Variants in IPO11 observed in about 807,000 individuals in gnomAD.
IPO11 encodes the protein importin 11, also known as importin-11.
In IPO11, 66 loss-of-function variants were observed where a neutral mutation model predicts 143.2. That is an observed-to-expected ratio of 0.46 (90% CI 0.38 to 0.57). The LOEUF (loss-of-function observed/expected upper bound fraction) is 0.57, where lower values mean the gene tolerates loss of function less well. Ranked by LOEUF, IPO11 falls within the 20% of genes least tolerant of loss-of-function variation. The probability of loss-of-function intolerance (pLI) is 0.00; values close to 1 mark genes in which losing one functional copy is unlikely to be tolerated. For synonymous variants in IPO11, 385 were observed against 377.8 expected (o/e 1.02, Z -0.22); for missense variants, 1,026 against 1,141.0 (o/e 0.90, Z 1.45).
At chr5:62,593,983 A>T (rs1353602363) in intron 28 of IPO11, among the ~76,000 whole-genome samples, 1 of 152,234 alleles carries the variant, frequency 6.6e-6, no homozygotes, top group Non-Finnish European at 1.5e-5. Context: ...ATACATACTT[A>T]TGTAGCTAAC....
chr5:62,550,513 G>C, intron 25 of IPO11, 51 bp downstream of exon 25: 1 of 1,175,252 alleles, frequency 8.5e-7, no homozygotes, highest in Non-Finnish European at 1.2e-6. Context: ...TAGGATTCTA[G>C]TTTTAATTAC....
At chr5:62,611,615 G>C (rs1243638233) in intron 29 of IPO11, among the ~76,000 whole-genome samples, 2 of 152,100 alleles carry the variant, frequency 1.3e-5, no homozygotes, top group Non-Finnish European at 2.9e-5. Flanking sequence ...TTATTTACTT[G>C]AATTGTTACT....
chr5:62,621,874 A>G (rs1161662876), intron 29 of IPO11, among the ~76,000 whole-genome samples: 1 of 152,098 alleles, frequency 6.6e-6, no homozygotes, highest in Admixed American at 6.6e-5. Context: ...GAGTCAAACA[A>G]TGATTAAAAA....
chr5:62,449,055 A>G (rs1580191593), intron 3 of IPO11, among the ~76,000 whole-genome samples: 4 of 152,182 alleles, frequency 2.6e-5, no homozygotes, highest in Admixed American at 1.3e-4. Flanking sequence ...TATTTAAGAG[A>G]CAAGGACTTG....
At chr5:62,415,829 G>A (rs1743276913) in intron 1 of IPO11, among the ~76,000 whole-genome samples, 1 of 152,126 alleles carries the variant, frequency 6.6e-6, no homozygotes, top group Non-Finnish European at 1.5e-5. Flanking sequence ...GAAATACATT[G>A]AGTGGGAACT....
In IPO11 at chr5:62,440,917, C is replaced by T. The variant is rs184952190; in HGVS notation, c.139-2066C>T. Among the ~76,000 whole-genome samples, 334 of 151,584 alleles carry T rather than the reference C, an allele frequency of 2.2e-3. 1 individual carries two copies. Among genetic ancestry groups the T allele is most frequent in the East Asian group, 8.8e-3 (44 of 4,984 alleles). On this transcript the variant is annotated intron_variant, in intron 2 of 29. Transcript: ENST00000325324. ...GGTGGAGGTTGCAGTGAGCCAAGAT[C>T]GCGCCACTGCACTCCAGTCAGTGCA...
chr5:62,535,525 T>C, intron 22 of IPO11, among the ~76,000 whole-genome samples: 1 of 152,210 alleles, frequency 6.6e-6, no homozygotes, highest in Non-Finnish European at 1.5e-5. Flanking sequence ...TGTAAAAAGA[T>C]ACTTAGATGA....
intron 1 of IPO11, chr5:62,419,005 C>T (rs775975698): frequency 1.0e-5 from 16 of 1,549,124 alleles, no homozygotes; most frequent in Non-Finnish European, 1.3e-5. Context: ...ATCATATGAA[C>T]AAACCTAGAT....
intron 16 of IPO11, among the ~76,000 whole-genome samples, chr5:62,501,709 T>G (rs1741353237): frequency 6.6e-6 from 1 of 152,212 alleles, no homozygotes; most frequent in African/African-American, 2.4e-5. Context: ...TGTTAGTATT[T>G]CTTATGCCTA....
intron 2 of IPO11, among the ~76,000 whole-genome samples, chr5:62,439,258 C>A (rs1042747633): frequency 2.0e-5 from 3 of 149,504 alleles, no homozygotes; most frequent in Non-Finnish European, 4.4e-5. Context: ...AATAACTATA[C>A]CTTATTAATA....
At chr5:62,442,018 G>A (rs1022143908) in intron 2 of IPO11, among the ~76,000 whole-genome samples, 5 of 151,574 alleles carry the variant, frequency 3.3e-5, no homozygotes, top group Admixed American at 3.3e-4. Flanking sequence ...GCTAATTTTT[G>A]TATTTTTAGT....
chr5:62,454,007 C>T (rs1042900826), intron 5 of IPO11, among the ~76,000 whole-genome samples: 6 of 151,996 alleles, frequency 3.9e-5, no homozygotes, highest in East Asian at 1.9e-4. Flanking sequence ...TGGTGGCACG[C>T]GCCTGTAGTC....
chr5:62,488,890 C>G lies in IPO11; in HGVS notation c.1310-412C>G, dbSNP rs979467562. Reference sequence around the variant, plus strand: ...TGGTGGTTAGTACCTGTAGTCCTAGCTATTCAGAAGGCTGAGGTTGGAGGA... The same window carrying G: ...TGGTGGTTAGTACCTGTAGTCCTAGGTATTCAGAAGGCTGAGGTTGGAGGA... On this transcript the variant is annotated intron_variant, in intron 13 of 29. Transcript: ENST00000325324. Among the ~76,000 whole-genome samples, 2 of 152,032 alleles carry G rather than the reference C, an allele frequency of 1.3e-5. 1 individual carries two copies. Among genetic ancestry groups the G allele is most frequent in the African/African-American group, 4.8e-5 (2 of 41,350 alleles).
At chr5:62,437,803 G>A (rs184340902) in intron 2 of IPO11, among the ~76,000 whole-genome samples, 174 of 152,224 alleles carry the variant, frequency 1.1e-3, no homozygotes, top group African/African-American at 3.9e-3. Flanking sequence ...CAGGTGTACC[G>A]TGTATTTCAC....
chr5:62,529,131 C>A (rs1448767495), intron 21 of IPO11, among the ~76,000 whole-genome samples: 18 of 152,034 alleles, frequency 1.2e-4, no homozygotes, highest in Admixed American at 6.6e-5. Context: ...AGCTCATCAA[C>A]TTTTAGCCTT....
intron 5 of IPO11, among the ~76,000 whole-genome samples, chr5:62,464,726 G>T (rs1392342278): frequency 1.3e-5 from 2 of 152,116 alleles, no homozygotes; most frequent in Non-Finnish European, 2.9e-5. Context: ...ATCTGCCTCT[G>T]CCTCCCAAAG....
intron 27 of IPO11, chr5:62,576,278 C>A: frequency 6.5e-6 from 1 of 153,856 alleles, no homozygotes; most frequent in South Asian, 1.9e-4. Context: ...AAATACTTGC[C>A]TTTTAGAAGT....
intron 28 of IPO11, among the ~76,000 whole-genome samples, chr5:62,598,418 TTC>T (rs1745323473): frequency 1.1e-4 from 1 of 9,416 alleles, no homozygotes; most frequent in East Asian, 2.9e-3. Context: ...CTTTCTTTCT[TTC>T]TTTCTTTCTT....
At chr5:62,591,778 T>C (rs1580361838) in intron 28 of IPO11, 106 bp downstream of exon 28, 1 of 636,572 alleles carries the variant, frequency 1.6e-6, no homozygotes, top group Non-Finnish European at 2.6e-6. Flanking sequence ...GAAAGTTTTA[T>C]AATTTCTCTT....
Sources: allele counts gnomAD v4.1 joint callset (sites outside exome capture counted in the v4.1 genomes callset), GRCh38; gene constraint gnomAD v4.1.1; transcripts MANE v1.5; gene names NCBI Gene and HGNC (gene_info 2026-07-23, HGNC 2026-07-21).